The following ZNF786 variants were observed in gnomAD, a reference collection of about 807,000 sequenced individuals.
The protein encoded by ZNF786 is zinc finger protein 786.
Under a neutral mutation model 63.1 loss-of-function variants are expected in ZNF786, and 56 were observed. The ratio of observed to expected loss-of-function variants is 0.89; its 90% CI spans 0.72 to 1.11. The LOEUF (loss-of-function observed/expected upper bound fraction) is 1.11, where lower values mean the gene tolerates loss of function less well. Ranked by LOEUF, ZNF786 falls within the 50% of genes least tolerant of loss-of-function variation. The pLI is 0.00. For missense variants in ZNF786, 1,213 were observed against 1,041.8 expected (o/e 1.16, Z -2.26); for synonymous variants, 485 against 406.9 (o/e 1.19, Z -2.31).
chr7:149,076,404 C>G (rs1304158400), intron 2 of ZNF786, among the ~76,000 whole-genome samples: 1 of 148,528 alleles, frequency 6.7e-6, no homozygotes, highest in Non-Finnish European at 1.5e-5. Flanking sequence ...CATGAGCCAC[C>G]GTGCCCGGCC....
At chr7:149,085,784 T>C (rs1825727058) in intron 1 of ZNF786, among the ~76,000 whole-genome samples, 1 of 152,210 alleles carries the variant, frequency 6.6e-6, no homozygotes, top group African/African-American at 2.4e-5. Flanking sequence ...GTTTTGTAAT[T>C]CTTGTTGTAA....
intron 2 of ZNF786, among the ~76,000 whole-genome samples, chr7:149,076,375 A>G (rs1585464456): frequency 6.7e-6 from 1 of 149,164 alleles, no homozygotes; most frequent in Non-Finnish European, 1.5e-5. Flanking sequence ...TCGGCCTCCC[A>G]AAGTGCTGGG....
chr7:149,086,626 T>TCCCA (rs1554453724), intron 1 of ZNF786, among the ~76,000 whole-genome samples: 2 of 147,608 alleles, frequency 1.4e-5, no homozygotes, highest in Non-Finnish European at 3.0e-5. Flanking sequence ...ACACTCTGTC[T>TCCCA]CACACACACA....
chr7:149,088,094 C>T (rs926218431), intron 1 of ZNF786, among the ~76,000 whole-genome samples: 3 of 151,794 alleles, frequency 2.0e-5, no homozygotes, highest in African/African-American at 7.3e-5. Flanking sequence ...CCTCCGCCTC[C>T]GAGGTTCAAG....
intron 1 of ZNF786, among the ~76,000 whole-genome samples, chr7:149,089,686 T>C (rs977310716): frequency 1.3e-5 from 2 of 152,046 alleles, no homozygotes; most frequent in Non-Finnish European, 2.9e-5. Flanking sequence ...GTGATTTGGC[T>C]GTTTATATCC....
intron 2 of ZNF786, among the ~76,000 whole-genome samples, chr7:149,078,290 T>G (rs774775963): frequency 1.3e-5 from 2 of 152,222 alleles, no homozygotes; most frequent in Non-Finnish European, 2.9e-5. Context: ...TTTGCCTCTA[T>G]AGATTCATTT....
chr7:149,076,486 T>C (rs1365871256), intron 2 of ZNF786, among the ~76,000 whole-genome samples: 1 of 147,542 alleles, frequency 6.8e-6, no homozygotes, highest in Non-Finnish European at 1.5e-5. Flanking sequence ...CCCAGCACTT[T>C]GGGAGGCCGA....
intron 1 of ZNF786, among the ~76,000 whole-genome samples, chr7:149,089,588 A>G (rs1423026062): frequency 1.3e-5 from 2 of 152,246 alleles, no homozygotes; most frequent in East Asian, 1.9e-4. Context: ...AAGTGCTGGG[A>G]TTACAGGCGT....
chr7:149,088,066 G>A (rs946216977), intron 1 of ZNF786, among the ~76,000 whole-genome samples: 3 of 147,926 alleles, frequency 2.0e-5, no homozygotes, highest in South Asian at 2.1e-4. Flanking sequence ...GCATTGACAC[G>A]ATCTCAGCTC....
At chr7:149,082,434 C>G in intron 1 of ZNF786, 1 of 498,054 alleles carries the variant, frequency 2.0e-6, no homozygotes, top group Non-Finnish European at 2.6e-6. Context: ...CTTCCTGAGG[C>G]TCACAACTAG....
chr7:149,077,276 T>G (rs1240726581), intron 2 of ZNF786, among the ~76,000 whole-genome samples: 2 of 152,156 alleles, frequency 1.3e-5, no homozygotes, highest in Non-Finnish European at 2.9e-5. Flanking sequence ...ATCTATAGAT[T>G]CATTTGGGGA....
Position 149,070,515 on chromosome 7 carries a change from C to T in ZNF786, c.2257G>A (p.Val753Ile). 2 of 1,614,016 alleles carry T rather than the reference C, an allele frequency of 1.2e-6. No homozygotes were observed. Among genetic ancestry groups the T allele is most frequent in the Non-Finnish European group, 1.7e-6 (2 of 1,179,892 alleles). The change falls in exon 4 of 4, where the codon GTA (valine) becomes ATA (isoleucine). Residue 753 changes from valine (V) to isoleucine (I), a missense_variant. Physicochemically the swap from Val to Ile is conservative, Grantham distance 29 (BLOSUM62 3). Transcript: ENST00000491431. ...GGAGCAGGACAGGATTTTGTGTGTA[C>T]TCTGATGTGCTCCGCAAGCTTAGAC... The part of the protein sequence containing the change: ...YKSKLAEHIR[V>I]HTKSCPAPNE...
chr7:149,072,079 C>G lies in ZNF786; in HGVS notation c.693G>C (p.Trp231Cys). Residue 231 changes from tryptophan to cysteine, a missense_variant, in exon 4 of 4, where the codon TGG becomes TGC. Physicochemically the swap from Trp to Cys is radical, Grantham distance 215 (BLOSUM62 -2). Transcript: ENST00000491431. Reference protein sequence around the residue: ...FNKRAETQMPWSSPRVQRHFR... With the variant: ...FNKRAETQMPCSSPRVQRHFR... The stretch of plus-strand genomic sequence containing the variant: ...AGTGCCTCTGTACCCGAGGGCTGCT[C>G]CACGGCATCTGCGTCTCCGCCCTCT... 6.2e-7 allele frequency: 1 copy of G among 1,613,258 alleles called. No individual in the cohort carries two copies. The highest frequency in any genetic ancestry group is 8.5e-7 in the Non-Finnish European group (1 of 1,179,712).
intron 1 of ZNF786, among the ~76,000 whole-genome samples, chr7:149,082,056 G>A (rs1825661658): frequency 6.6e-6 from 1 of 152,192 alleles, no homozygotes; most frequent in South Asian, 2.1e-4. Context: ...GTTTGGCTCT[G>A]TGTCCCCACC....
At chr7:149,079,578 T>G (rs1825617867) in intron 2 of ZNF786, among the ~76,000 whole-genome samples, 1 of 149,152 alleles carries the variant, frequency 6.7e-6, no homozygotes, top group African/African-American at 2.5e-5. Context: ...TTTTTTTTTT[T>G]TTTTCCTTTT....
chr7:149,090,578 A>G, intron 1 of ZNF786, 45 bp downstream of exon 1: 1 of 1,547,616 alleles, frequency 6.5e-7, no homozygotes, highest in Non-Finnish European at 8.8e-7. Flanking sequence ...CCGAGGACCC[A>G]CCACGACCCC....
intron 3 of ZNF786, among the ~76,000 whole-genome samples, chr7:149,073,674 T>G (rs1334073780): frequency 6.7e-6 from 1 of 149,198 alleles, no homozygotes; most frequent in Admixed American, 6.8e-5. Context: ...CATATATTTA[T>G]GTATACATTT....
intron 1 of ZNF786, among the ~76,000 whole-genome samples, chr7:149,089,216 T>C (rs1381843150): frequency 1.3e-5 from 2 of 152,354 alleles, no homozygotes; most frequent in East Asian, 1.9e-4. Flanking sequence ...CCTCCCAAAG[T>C]GCTGGGATTA....
In ZNF786 at chr7:149,070,983, CTG is replaced by C; in HGVS notation, c.1787_1788del (p.Pro596ArgfsTer56). 6.2e-7 allele frequency: 1 copy of C among 1,613,050 alleles called. No individual in the cohort carries two copies. Among genetic ancestry groups the C allele is most frequent in the South Asian group, 1.1e-5 (1 of 91,074 alleles). ...TTCAGGCGGAAGCTCCTGTTGCACT[CTG>C]GGCACTGGAAGGGTCTCTCCCCGCT... Reference protein sequence around the residue: ...VHSGERPFQCPECNRSFRLKG... With the variant: ...VHSGERPFQCXECNRSFRLKG... On this transcript the variant is annotated frameshift_variant, in exon 4 of 4. Transcript: ENST00000491431. LOFTEE classifies it high-confidence loss of function.
Sources: gnomAD v4.1 joint callset for allele counts (sites outside exome capture counted in the v4.1 genomes callset) on GRCh38, gnomAD v4.1.1 for gene constraint, MANE v1.5 for transcripts, NCBI Gene and HGNC (gene_info 2026-07-23, HGNC 2026-07-21) for gene names.